The following EPB41 variants were observed in gnomAD, a reference collection of about 807,000 sequenced individuals.
EPB41 encodes protein 4.1.
In EPB41, 65 loss-of-function variants were observed where a neutral mutation model predicts 108.0. The observed-to-expected ratio is 0.60, with a 90% CI of 0.49 to 0.74. The LOEUF is 0.74. EPB41 is among the 30% of genes least tolerant of loss of function. EPB41 has a pLI of 0.00. For synonymous variants in EPB41, 336 were observed against 358.9 expected (o/e 0.94, Z 0.72); for missense variants, 875 against 1,037.0 (o/e 0.84, Z 2.15).
At chr1:29,088,312 G>C (rs905749547) in intron 16 of EPB41, among the ~76,000 whole-genome samples, 1 of 152,078 alleles carries the variant, frequency 6.6e-6, no homozygotes, top group East Asian at 1.9e-4. Flanking sequence ...CTCCCAAAGT[G>C]CTAGGATTAC....
At chr1:29,056,134 C>T (rs1645371913) in intron 12 of EPB41, among the ~76,000 whole-genome samples, 1 of 148,268 alleles carries the variant, frequency 6.7e-6, no homozygotes, top group Admixed American at 6.7e-5. Context: ...CTCGGGAGGC[C>T]GAGGCAGGAG....
chr1:29,031,637 T>G (rs906546355), intron 8 of EPB41, among the ~76,000 whole-genome samples: 1 of 152,202 alleles, frequency 6.6e-6, no homozygotes, highest in Non-Finnish European at 1.5e-5. Context: ...TTCTCCAGGT[T>G]GTTCTGATGC....
chr1:28,963,830 T>C (rs1011410920), intron 1 of EPB41, among the ~76,000 whole-genome samples: 9 of 152,234 alleles, frequency 5.9e-5, no homozygotes, highest in South Asian at 2.1e-4. Flanking sequence ...AGAATGACTT[T>C]TAGCACATTT....
chr1:28,995,074 A>AG (rs2096134819), intron 3 of EPB41, among the ~76,000 whole-genome samples: 1 of 151,946 alleles, frequency 6.6e-6, no homozygotes, highest in African/African-American at 2.4e-5. Context: ...AAGGAAATCA[A>AG]GAAAGATGTA....
rs541187339 is a variant in EPB41 at position 29,009,402 on chromosome 1, G to C, written c.787-2463G>C. Among the ~76,000 whole-genome samples, 3 of 152,172 alleles carry C rather than the reference G, an allele frequency of 2.0e-5. No individual in the cohort carries two copies. In the East Asian group the frequency reaches 5.8e-4, roughly 29 times the overall value. ...TCTTTATATGATTGACACAAAAGTG[G>C]GTTTGCCTTCCCTATGTCAAGTTAG... is the stretch of plus-strand genomic sequence containing the variant. On this transcript the variant is annotated intron_variant, in intron 4 of 20. Transcript: ENST00000343067.
intron 11 of EPB41, among the ~76,000 whole-genome samples, chr1:29,044,649 C>T (rs1220155567): frequency 6.6e-6 from 1 of 152,086 alleles, no homozygotes; most frequent in East Asian, 1.9e-4. Context: ...CGAGACCAAC[C>T]AGGCTGACAT....
intron 16 of EPB41, among the ~76,000 whole-genome samples, chr1:29,083,420 C>G (rs571649781): frequency 2.6e-5 from 4 of 152,262 alleles, no homozygotes; most frequent in East Asian, 3.9e-4. Flanking sequence ...CTATTATTTA[C>G]AAGCTTTTGG....
chr1:28,982,833 T>A (rs565863987), intron 1 of EPB41, among the ~76,000 whole-genome samples: 1 of 152,338 alleles, frequency 6.6e-6, no homozygotes, highest in Admixed American at 6.5e-5. Flanking sequence ...GCCTATTTTA[T>A]CATGTAAAGT....
chr1:28,955,828 A>G (rs1267829710), intron 1 of EPB41, among the ~76,000 whole-genome samples: 1 of 152,164 alleles, frequency 6.6e-6, no homozygotes, highest in Non-Finnish European at 1.5e-5. Flanking sequence ...TATACTGTAT[A>G]TGTTGTCTGT....
intron 11 of EPB41, among the ~76,000 whole-genome samples, chr1:29,049,463 A>G (rs1426753224): frequency 6.6e-6 from 1 of 152,144 alleles, no homozygotes; most frequent in Non-Finnish European, 1.5e-5. Context: ...AACAAAACAC[A>G]TGCCCAAGCC....
At chr1:28,951,183 A>G (rs2094703889) in intron 1 of EPB41, among the ~76,000 whole-genome samples, 1 of 152,136 alleles carries the variant, frequency 6.6e-6, no homozygotes, top group African/African-American at 2.4e-5. Flanking sequence ...ACCCTCTTCA[A>G]TTTACCAAGG....
In EPB41 at chr1:28,944,454, A is replaced by T. The variant is rs74333863; in HGVS notation, c.-8+29686A>T. On this transcript the variant is annotated intron_variant, in intron 1 of 20. Transcript: ENST00000343067. ...GTGCTTCTTTCATTTTGCATGCCATATCAAATCATCTCACATACCCCATAA... is the reference window on the plus strand; with the variant it reads ...GTGCTTCTTTCATTTTGCATGCCATTTCAAATCATCTCACATACCCCATAA... Among the ~76,000 whole-genome samples, 10 of 151,804 alleles carry T rather than the reference A, an allele frequency of 6.6e-5. No individual in the cohort carries two copies. The East Asian group carries it at 1.9e-3, about 29-fold the overall frequency.
In EPB41 at chr1:29,060,469, C is replaced by T. The variant is rs769908106; in HGVS notation, c.1992C>T (p.Ser664=). The part of the protein sequence containing the change: ...LDGENIYIRH[S]NLMLEDLDKS... ...GTGAAAACATTTATATCAGACATAG[C>T]AATTTAATGTTGGAGGTTTGTATGA... Residue 664 remains serine (S), a synonymous_variant, in exon 15 of 21, where the codon AGC becomes AGT. Transcript: ENST00000343067. The T allele has an allele frequency of 5.6e-6, 9 of 1,612,942 alleles. No individual in the cohort carries two copies. The African/African-American group carries it at 1.1e-4, about 19-fold the overall frequency.
intron 1 of EPB41, among the ~76,000 whole-genome samples, chr1:28,986,945 C>T (rs755693991): frequency 5.3e-5 from 8 of 152,078 alleles, no homozygotes; most frequent in Non-Finnish European, 1.0e-4. Flanking sequence ...GTCTCTGCAT[C>T]CTAAGAAATG....
At chr1:29,112,287 C>A (rs1669445308) in intron 18 of EPB41, 81 bp from the exon 19 acceptor site, 1 of 1,175,578 alleles carries the variant, frequency 8.5e-7, no homozygotes, top group Non-Finnish European at 1.3e-6. Context: ...AAGTGTGAAC[C>A]ACTAAACCTG....
chr1:28,935,798 A>G (rs572779021), intron 1 of EPB41, among the ~76,000 whole-genome samples: 35 of 151,756 alleles, frequency 2.3e-4, no homozygotes, highest in African/African-American at 7.7e-4. Context: ...ACATGCCTGT[A>G]ATCCCAGCTA....
At chr1:28,900,249 C>T (rs1570116656) in intron 1 of EPB41, among the ~76,000 whole-genome samples, 1 of 151,866 alleles carries the variant, frequency 6.6e-6, no homozygotes, top group Middle Eastern at 3.4e-3. Context: ...GACAGAGCTG[C>T]CTATTCTAGC....
At chr1:28,942,461 T>G (rs1246613717) in intron 1 of EPB41, among the ~76,000 whole-genome samples, 1 of 152,216 alleles carries the variant, frequency 6.6e-6, no homozygotes, top group African/African-American at 2.4e-5. Flanking sequence ...TTAATTATGT[T>G]TACCCATTTG....
At chr1:29,080,803 G>A (rs1297959847) in intron 16 of EPB41, among the ~76,000 whole-genome samples, 1 of 152,188 alleles carries the variant, frequency 6.6e-6, no homozygotes, top group Non-Finnish European at 1.5e-5. Flanking sequence ...TAACAATTCA[G>A]CATGATATTT....
Sources: allele counts gnomAD v4.1 joint callset (sites outside exome capture counted in the v4.1 genomes callset), GRCh38; gene constraint gnomAD v4.1.1; transcripts MANE v1.5; gene names NCBI Gene and HGNC (gene_info 2026-07-23, HGNC 2026-07-21).